Variants in PLA2G5 observed in about 807,000 individuals in gnomAD.
PLA2G5 encodes the protein Ca2+-dependent phospholipase A2.
A neutral mutation model predicts 15.9 loss-of-function variants in PLA2G5; 12 were observed. The observed-to-expected ratio is 0.76, with a 90% CI of 0.48 to 1.23. The LOEUF (loss-of-function observed/expected upper bound fraction) is 1.23. Ranked by LOEUF, PLA2G5 falls within the 50% of genes most tolerant of loss-of-function variation. The pLI is 0.00. For missense variants in PLA2G5, 169 were observed against 177.1 expected, an observed-to-expected ratio of 0.95 and a Z score of 0.26; for synonymous variants, 71 against 71.4, an observed-to-expected ratio of 0.99 and a Z score of 0.03.
chr1:20,036,973 ATTTC>A (rs2013287385), intron 1 of PLA2G5, among the ~76,000 whole-genome samples: 1 of 152,166 alleles, frequency 6.6e-6, no homozygotes, highest in Non-Finnish European at 1.5e-5. Flanking sequence ...CCTTTTAAAA[ATTTC>A]TTTAAGTTGG....
chr1:20,060,702 A>G (rs928388564), intron 2 of PLA2G5, among the ~76,000 whole-genome samples: 5 of 151,134 alleles, frequency 3.3e-5, no homozygotes, highest in Admixed American at 6.6e-5. Flanking sequence ...CCAACAGCCC[A>G]CTTAGGGCTA....
intron 1 of PLA2G5, among the ~76,000 whole-genome samples, chr1:20,049,708 C>A (rs772172894): frequency 6.6e-6 from 1 of 152,176 alleles, no homozygotes; most frequent in African/African-American, 2.4e-5. Context: ...TGTGAGGCCT[C>A]CCCAGCCATA....
In PLA2G5 at chr1:20,043,130, G is replaced by A. The variant is rs1260598412; in HGVS notation, n.276+14421G>A. Among the ~76,000 whole-genome samples the A allele has an allele frequency of 6.6e-5, 10 of 152,232 alleles. No individual in the cohort carries two copies. In the East Asian group the frequency reaches 1.9e-3, roughly 29 times the overall value. On this transcript the variant is annotated intron_variant and non_coding_transcript_variant, in intron 1 of 6. Transcript: ENST00000460175. ...CCAAGTAAAAGCAAAGAGGGGCTGGGATGAGGGGTGTAGGGGAATAATGGA... is the reference window on the plus strand; with the variant it reads ...CCAAGTAAAAGCAAAGAGGGGCTGGAATGAGGGGTGTAGGGGAATAATGGA...
chr1:20,062,396 G>A (rs1239163003), intron 2 of PLA2G5, among the ~76,000 whole-genome samples: 1 of 152,194 alleles, frequency 6.6e-6, no homozygotes, highest in African/African-American at 2.4e-5. Flanking sequence ...CCAATGCGGA[G>A]TTCCCAGACA....
At chr1:20,071,302 C>T (rs1193975236) in intron 1 of PLA2G5, among the ~76,000 whole-genome samples, 1 of 152,126 alleles carries the variant, frequency 6.6e-6, no homozygotes, top group Admixed American at 6.5e-5. Flanking sequence ...ACATTTTTTC[C>T]TAGGATCCAA....
chr1:20,087,312 G>A (rs916994191), intron 3 of PLA2G5, among the ~76,000 whole-genome samples: 14 of 152,160 alleles, frequency 9.2e-5, no homozygotes, highest in Non-Finnish European at 1.5e-4. Context: ...ACTGGTTCCA[G>A]GACCCCTGTG....
chr1:20,072,209 C>T (rs1232782716), intron 1 of PLA2G5, among the ~76,000 whole-genome samples: 2 of 152,178 alleles, frequency 1.3e-5, no homozygotes, highest in Admixed American at 6.5e-5. Context: ...CTTTATTTTT[C>T]TCCATTTCAT....
upstream of PLA2G5, among the ~76,000 whole-genome samples, chr1:20,068,157 T>C (rs1312731770): frequency 6.6e-6 from 1 of 151,962 alleles, no homozygotes; most frequent in Non-Finnish European, 1.5e-5. Flanking sequence ...AAAAATAAAA[T>C]AAAATCAGAG....
chr1:20,060,247 CTTTTTTTTTTT>C (rs71585739), intron 2 of PLA2G5, among the ~76,000 whole-genome samples: 16 of 83,690 alleles, frequency 1.9e-4, no homozygotes, highest in African/African-American at 4.3e-4. Context: ...CTTTTTTCTT[CTTTTTTTTTTT>C]TTTTTTTTTT....
chr1:20,054,306 A>G (rs1380027913), intron 1 of PLA2G5, among the ~76,000 whole-genome samples: 1 of 152,228 alleles, frequency 6.6e-6, no homozygotes, highest in Non-Finnish European at 1.5e-5. Context: ...TAAAGGAGGA[A>G]GGATTATTCA....
upstream of PLA2G5, among the ~76,000 whole-genome samples, chr1:20,069,319 G>A (rs1176086498): frequency 2.0e-5 from 3 of 152,094 alleles, no homozygotes; most frequent in African/African-American, 7.2e-5. Flanking sequence ...ATCCAAATTG[G>A]TGAGTATTCT....
rs1184667460 is a variant in PLA2G5 at position 20,064,129 on chromosome 1, G to A, written n.337+4437G>A. Among the ~76,000 whole-genome samples, 4 of 152,190 alleles carry A rather than the reference G, an allele frequency of 2.6e-5. No individual in the cohort carries two copies. In the East Asian group the frequency reaches 7.7e-4, roughly 29 times the overall value. On this transcript the variant is annotated intron_variant and non_coding_transcript_variant, in intron 2 of 6. Transcript: ENST00000460175. ...TGATCTCAACTGACTCATTTAGTTG[G>A]AGCAGGGAATCCCAATGCCTTTGGA... is the stretch of plus-strand genomic sequence containing the variant.
intron 1 of PLA2G5, among the ~76,000 whole-genome samples, chr1:20,048,391 A>G (rs1193119402): frequency 6.6e-6 from 1 of 152,216 alleles, no homozygotes; most frequent in Non-Finnish European, 1.5e-5. Context: ...AAAATTTGGA[A>G]TAGGGGTTAC....
At chr1:20,034,928 C>G (rs566818413) in intron 1 of PLA2G5, among the ~76,000 whole-genome samples, 1 of 152,016 alleles carries the variant, frequency 6.6e-6, no homozygotes, top group Admixed American at 6.5e-5. Context: ...GAGTCACCCA[C>G]TAATTGGAGA....
Position 20,090,787 on chromosome 1 carries a change from A to G in PLA2G5, c.*95A>G. The G allele has an allele frequency of 3.8e-6, 5 of 1,321,482 alleles. No homozygotes were observed. The highest frequency in any genetic ancestry group is 5.4e-6 in the Non-Finnish European group (5 of 924,380). The allele number at this position is 1,321,482 out of a possible 1,614,324, so 81.9% of individuals were successfully genotyped here. A position where few individuals can be genotyped will look rare whatever the true frequency, so the allele number is the denominator to read the frequency against. ...TGCCTGGTTCCTGAGAGAGGCTCCT[A>G]AGTCACAGACCTCAGTCTTTCTCGA... On this transcript the variant is annotated 3_prime_UTR_variant, in exon 5 of 5. Coordinates refer to ENST00000375108, the MANE Select transcript of PLA2G5 (RefSeq NM_000929.3).
chr1:20,050,199 T>A (rs2014115353), intron 1 of PLA2G5, among the ~76,000 whole-genome samples: 2 of 152,198 alleles, frequency 1.3e-5, no homozygotes, highest in Admixed American at 1.3e-4. Context: ...TTTGTGACAT[T>A]GAGTTACAGG....
At chr1:20,050,858 T>C (rs570368885) in intron 1 of PLA2G5, among the ~76,000 whole-genome samples, 2 of 149,226 alleles carry the variant, frequency 1.3e-5, no homozygotes, top group South Asian at 4.2e-4. Context: ...CTGACCTAAT[T>C]AATTCTTTAA....
In PLA2G5 at chr1:20,086,232, G is replaced by A. The variant is rs780470130; in HGVS notation, c.185+5G>A. The A allele has an allele frequency of 1.2e-6, 2 of 1,614,092 alleles. No individual in the cohort carries two copies. The highest frequency in any genetic ancestry group is 1.1e-5 in the South Asian group (1 of 91,082). Reference sequence around the variant, plus strand: ...CCCCAAGGATGGCACCGATTGGTGAGCTGATCGCTATAACTGCCCTTTAGG... The same window carrying A: ...CCCCAAGGATGGCACCGATTGGTGAACTGATCGCTATAACTGCCCTTTAGG... On this transcript the variant is annotated splice_donor_5th_base_variant and intron_variant, in intron 3 of 4. Transcript: ENST00000375108.
chr1:20,072,269 C>T (rs2015418437), intron 1 of PLA2G5, among the ~76,000 whole-genome samples: 1 of 152,212 alleles, frequency 6.6e-6, no homozygotes. Flanking sequence ...TTGTCTATTT[C>T]TGGCTTCTCC....
Sources: allele counts gnomAD v4.1 joint callset (sites outside exome capture counted in the v4.1 genomes callset), GRCh38; gene constraint gnomAD v4.1.1; transcripts MANE v1.5; gene names NCBI Gene and HGNC (gene_info 2026-07-23, HGNC 2026-07-21).